Variants in CDH2 observed in about 807,000 individuals in gnomAD.
The protein encoded by CDH2 is cadherin 2.
In CDH2, 17 loss-of-function variants were observed where a neutral mutation model predicts 92.0. The observed-to-expected ratio is 0.18, with a 90% CI of 0.13 to 0.28. The LOEUF (loss-of-function observed/expected upper bound fraction) is 0.28. Among genes scored for constraint, CDH2 ranks in the 10% least tolerant of loss-of-function variants. The pLI is 1.00. For missense variants in CDH2, 862 were observed against 1,133.1 expected, an observed-to-expected ratio of 0.76 and a Z score of 3.44; for synonymous variants, 419 against 415.9, an observed-to-expected ratio of 1.01 and a Z score of -0.09.
intron 15 of CDH2, among the ~76,000 whole-genome samples, chr18:27,956,810 A>G (rs2011258303): frequency 1.3e-5 from 2 of 152,206 alleles, no homozygotes; most frequent in South Asian, 4.1e-4. Flanking sequence ...AAATTAACTT[A>G]AAAATTGATG....
chr18:28,116,260 TA>T (rs1339936071), intron 2 of CDH2, among the ~76,000 whole-genome samples: 3 of 152,142 alleles, frequency 2.0e-5, no homozygotes, highest in African/African-American at 7.2e-5. Context: ...GCCTGGCATA[TA>T]AAAAAGGCAA....
At chr18:28,073,670 C>T (rs1161948271) in intron 2 of CDH2, among the ~76,000 whole-genome samples, 1 of 152,070 alleles carries the variant, frequency 6.6e-6, no homozygotes, top group Non-Finnish European at 1.5e-5. Flanking sequence ...GGACTGGTAC[C>T]TGGTAAACAG....
intron 1 of CDH2, among the ~76,000 whole-genome samples, chr18:28,170,849 A>G (rs2016453501): frequency 6.6e-6 from 1 of 152,148 alleles, no homozygotes; most frequent in African/African-American, 2.4e-5. Context: ...CGTAATCATA[A>G]GCAATGCTTC....
intron 2 of CDH2, among the ~76,000 whole-genome samples, chr18:28,039,224 A>G (rs929608188): frequency 1.3e-5 from 2 of 152,114 alleles, no homozygotes; most frequent in Non-Finnish European, 1.5e-5. Context: ...TCCTTGCATG[A>G]ATCCACATTT....
chr18:28,044,189 A>T (rs943275256), intron 2 of CDH2, among the ~76,000 whole-genome samples: 3 of 152,144 alleles, frequency 2.0e-5, no homozygotes, highest in African/African-American at 7.2e-5. Flanking sequence ...TCAGGATTAC[A>T]GGCATGGGCC....
chr18:28,130,949 G>A (rs908368329), intron 2 of CDH2, among the ~76,000 whole-genome samples: 1 of 152,024 alleles, frequency 6.6e-6, no homozygotes, highest in African/African-American at 2.4e-5. Context: ...CCACATGCAT[G>A]GACACGCACG....
At chr18:28,045,667 C>A (rs150440426) in intron 2 of CDH2, 537 of 276,480 alleles carry the variant, frequency 1.9e-3, no homozygotes, top group Admixed American at 3.7e-3. Flanking sequence ...CAGACAAAGC[C>A]CTCCCCCACA....
intron 2 of CDH2, among the ~76,000 whole-genome samples, chr18:28,062,656 G>C (rs1298940248): frequency 2.6e-5 from 4 of 152,090 alleles, no homozygotes; most frequent in Non-Finnish European, 4.4e-5. Context: ...AAGAAAAATG[G>C]AATGAACTAT....
At chr18:28,025,015 C>G (rs2013512303) in intron 2 of CDH2, among the ~76,000 whole-genome samples, 1 of 151,966 alleles carries the variant, frequency 6.6e-6, no homozygotes, top group African/African-American at 2.4e-5. Context: ...TAGTGAAAAA[C>G]AAATACTTGC....
chr18:28,087,601 T>A (rs1183439048), intron 2 of CDH2, among the ~76,000 whole-genome samples: 1 of 151,810 alleles, frequency 6.6e-6, no homozygotes, highest in Non-Finnish European at 1.5e-5. Flanking sequence ...GAAAAAAAAA[T>A]AACCCTTGTC....
At chr18:28,091,487 T>C (rs2015037042) in intron 2 of CDH2, among the ~76,000 whole-genome samples, 1 of 152,234 alleles carries the variant, frequency 6.6e-6, no homozygotes, top group African/African-American at 2.4e-5. Flanking sequence ...AAAAAAACCT[T>C]ATTCATTTCT....
chr18:27,952,815 A>C (rs542053782), intron 15 of CDH2, among the ~76,000 whole-genome samples: 15 of 152,348 alleles, frequency 9.8e-5, no homozygotes, highest in African/African-American at 2.9e-4. Flanking sequence ...ACAGTCTAGC[A>C]TAACAGGTAT....
downstream of CDH2, among the ~76,000 whole-genome samples, chr18:27,950,463 A>G (rs970106332): frequency 7.2e-5 from 11 of 152,126 alleles, no homozygotes; most frequent in Non-Finnish European, 1.5e-4. Flanking sequence ...GATCAAGTCA[A>G]TGGATAAAGG....
intron 2 of CDH2, among the ~76,000 whole-genome samples, chr18:28,068,412 GGTTAA>G (rs1217439349): frequency 7.4e-5 from 11 of 148,836 alleles, no homozygotes; most frequent in Admixed American, 4.2e-4. Context: ...GAAGCTCAAA[GGTTAA>G]GTTAACAAAC....
At chr18:28,007,193 T>TATATATATATATATATATATATATATAC (rs778626652) in intron 5 of CDH2, among the ~76,000 whole-genome samples, 6 of 142,166 alleles carry the variant, frequency 4.2e-5, no homozygotes, top group African/African-American at 1.6e-4. Flanking sequence ...TATATATATA[T>TATATATATATATATATATATATATATAC]ACGAGTATAT....
intron 2 of CDH2, among the ~76,000 whole-genome samples, chr18:28,068,007 G>A (rs999142198): frequency 6.6e-6 from 1 of 152,164 alleles, no homozygotes; most frequent in African/African-American, 2.4e-5. Flanking sequence ...AACTCCAAAT[G>A]TAGTACAGTG....
chr18:28,031,144 A>C (rs1183139254), intron 2 of CDH2, among the ~76,000 whole-genome samples: 1 of 151,546 alleles, frequency 6.6e-6, no homozygotes, highest in Admixed American at 6.6e-5. Flanking sequence ...TAAGCAACTC[A>C]AACTACAGAG....
At chr18:28,175,107 T>A (rs2016517962) in intron 1 of CDH2, among the ~76,000 whole-genome samples, 1 of 143,272 alleles carries the variant, frequency 7.0e-6, no homozygotes, top group Non-Finnish European at 1.5e-5. Context: ...GAAGAAACAA[T>A]AAATGAAGTG....
At chr18:28,146,665 A>G (rs1442091409) in intron 2 of CDH2, 1 of 152,118 alleles carries the variant, frequency 6.6e-6, no homozygotes, top group Non-Finnish European at 1.5e-5. Flanking sequence ...TTTACATTTC[A>G]AAGTCCTCTG....
Sources: allele counts gnomAD v4.1 joint callset (sites outside exome capture counted in the v4.1 genomes callset), GRCh38; gene constraint gnomAD v4.1.1; transcripts MANE v1.5; gene names NCBI Gene and HGNC (gene_info 2026-07-23, HGNC 2026-07-21).